The following SAMD4B variants were observed in gnomAD, a reference collection of about 807,000 sequenced individuals.
SAMD4B encodes protein Smaug homolog 2.
In SAMD4B, 5 loss-of-function variants were observed where a neutral mutation model predicts 74.5. That is an observed-to-expected ratio of 0.07 (90% CI 0.04 to 0.14). SAMD4B has a LOEUF of 0.14. SAMD4B is among the 10% of genes least tolerant of loss of function. The probability of loss-of-function intolerance (pLI) is 1.00; values close to 1 mark genes in which losing one functional copy is unlikely to be tolerated. For missense variants in SAMD4B, 608 were observed against 921.8 expected (o/e 0.66, Z 4.41); for synonymous variants, 373 against 374.9 (o/e 1.00, Z 0.06).
chr19:39,370,854 C>G (rs1461271277), intron 4 of SAMD4B, among the ~76,000 whole-genome samples: 1 of 152,218 alleles, frequency 6.6e-6, no homozygotes, highest in Non-Finnish European at 1.5e-5. Context: ...ATCATTAGCC[C>G]TATTCAACAG....
In SAMD4B at chr19:39,380,759, C is replaced by T. The variant is rs1249561029; in HGVS notation, c.1822C>T (p.Pro608Ser). The T allele has an allele frequency of 5.1e-6, 8 of 1,573,206 alleles. No individual in the cohort carries two copies. Among genetic ancestry groups the T allele is most frequent in the Non-Finnish European group, 6.9e-6 (8 of 1,158,872 alleles). The change falls in exon 11 of 14, where the codon CCC becomes TCC. Residue 608 changes from proline (P) to serine (S), a missense_variant. Around this residue, in one of 9 missense-constraint regions of SAMD4B, gnomAD observed 167 missense variants for 193.0 expected, o/e 0.87. Coordinates refer to ENST00000610417, the MANE Select transcript of SAMD4B (RefSeq NM_001384574.2). Reference protein sequence around the residue: ...GVSPRHALTSPSLGGQGRQNL... With the variant: ...GVSPRHALTSSSLGGQGRQNL... ...CTCCCCTCGACATGCCCTCACCAGC[C>T]CCAGCCTTGGAGGCCAGGGCCGACA...
chr19:39,364,651 G>A (rs1162734673), intron 3 of SAMD4B, among the ~76,000 whole-genome samples: 3 of 152,150 alleles, frequency 2.0e-5, no homozygotes, highest in African/African-American at 7.2e-5. Context: ...ACAGGACTAA[G>A]TTATCAAACA....
intron 3 of SAMD4B, among the ~76,000 whole-genome samples, chr19:39,361,043 C>T (rs2076616329): frequency 6.6e-6 from 1 of 152,140 alleles, no homozygotes; most frequent in African/African-American, 2.4e-5. Flanking sequence ...CTGACCCTCT[C>T]GGGCCTCAGG....
intron 3 of SAMD4B, among the ~76,000 whole-genome samples, chr19:39,366,759 G>A (rs1260954135): frequency 6.6e-6 from 1 of 152,104 alleles, no homozygotes; most frequent in East Asian, 1.9e-4. Context: ...GAAGTCCATG[G>A]AACTTTTTTT....
intron 7 of SAMD4B, 108 bp downstream of exon 7, chr19:39,376,899 T>G: frequency 5.7e-6 from 5 of 870,764 alleles, no homozygotes; most frequent in Non-Finnish European, 9.1e-6. Context: ...GCCTCCAAAA[T>G]TCCCAGCCCT....
rs987169436 is a variant in SAMD4B at position 39,378,828 on chromosome 19, C to T, written c.1530+239C>T. Among the ~76,000 whole-genome samples the T allele has an allele frequency of 2.6e-5, 4 of 152,234 alleles. No homozygotes were observed. Among genetic ancestry groups the T allele is most frequent in the South Asian group, 2.1e-4 (1 of 4,838 alleles). ...AGGCTGAGGCAGAATGGCGTGAACC[C>T]GGCAGGTGGAGCTTGTGGTGAGCCA... On this transcript the variant is annotated intron_variant, in intron 9 of 13. Coordinates refer to ENST00000610417, the MANE Select transcript of SAMD4B (RefSeq NM_001384574.2). The surrounding 1 kb of genome is among the most constrained non-coding windows in gnomAD (Gnocchi z 4.4).
At chr19:39,350,140 TG>T (rs1182680410) in intron 1 of SAMD4B, 1 of 152,232 alleles carries the variant, frequency 6.6e-6, no homozygotes, top group Non-Finnish European at 1.5e-5. Context: ...TGACAATGTA[TG>T]ATGTATGAAG....
At position 39,384,100 on chromosome 19, in the gene SAMD4B, C is replaced by T. The variant is rs2078164178; in HGVS notation, c.*573C>T. The T allele has an allele frequency of 3.5e-6, 1 of 288,064 alleles. No individual in the cohort carries two copies. The highest frequency in any genetic ancestry group is 4.6e-5 in the Admixed American group (1 of 21,620). 17.8% of individuals were successfully genotyped at this position (288,064 alleles called of 1,614,324 possible). On this transcript the variant is annotated 3_prime_UTR_variant, in exon 14 of 14. Coordinates refer to ENST00000610417, the MANE Select transcript of SAMD4B (RefSeq NM_001384574.2). ...GGACAGGAGCCACCTTCCTCTCTCT[C>T]ACCTCCCCTGGCCCTGTTCACCAGA...
intron 10 of SAMD4B, 99 bp downstream of exon 10, chr19:39,380,183 T>A: frequency 1.1e-6 from 1 of 913,742 alleles, no homozygotes; most frequent in Non-Finnish European, 1.7e-6. Flanking sequence ...GCTGAGAATC[T>A]AGTTTTATTC....
intron 1 of SAMD4B, 94 bp from the exon 2 acceptor site, chr19:39,353,912 T>C (rs2076198166): frequency 1.3e-5 from 2 of 152,218 alleles, no homozygotes; most frequent in Non-Finnish European, 2.9e-5. Flanking sequence ...AGATTAGGCA[T>C]GTTTTTAATA....
intron 7 of SAMD4B, 117 bp from the exon 8 acceptor site, chr19:39,377,368 C>A: frequency 1.3e-6 from 1 of 797,640 alleles, no homozygotes; most frequent in Non-Finnish European, 2.0e-6. Flanking sequence ...TCTCTATGTG[C>A]TGGAACCCAG....
intron 1 of SAMD4B, among the ~76,000 whole-genome samples, chr19:39,344,504 GAGACTTCCTC>G (rs1427027470): frequency 6.6e-6 from 1 of 152,090 alleles, no homozygotes; most frequent in African/African-American, 2.4e-5. Context: ...AGCGCTTCCT[GAGACTTCCTC>G]AGAACTTTCC....
At chr19:39,390,119 AG>A, downstream of SAMD4B, 2 of 1,614,062 alleles carry the variant, frequency 1.2e-6, no homozygotes, top group Non-Finnish European at 8.5e-7. Flanking sequence ...AGGGGATATC[AG>A]GGAGGCTATT....
In SAMD4B at chr19:39,376,317, A is replaced by AC. The variant is rs2077594611; in HGVS notation, c.908-115dup. ...GCTGATGGAACCTTAGCTCCCCCCA[A>AC]CCCCCTCCCAATTTTTTGCATCTTT... On this transcript the variant is annotated intron_variant, in intron 5 of 13. Coordinates refer to ENST00000610417, the MANE Select transcript of SAMD4B (RefSeq NM_001384574.2). The AC allele has an allele frequency of 8.0e-5, 60 of 746,462 alleles. No individual in the cohort carries two copies. The South Asian group carries it at 9.9e-4, about 12-fold the overall frequency. 46.2% of individuals were successfully genotyped at this position (746,462 alleles called of 1,614,324 possible).
Position 39,384,616 on chromosome 19 carries a change from CCA to C in SAMD4B, c.*1090_*1091del, listed in dbSNP as rs1207080927. On this transcript the variant is annotated 3_prime_UTR_variant, in exon 14 of 14. Coordinates refer to ENST00000610417, the MANE Select transcript of SAMD4B (RefSeq NM_001384574.2). Reference sequence around the variant, plus strand: ...CATAACCCAGAGATTCGTCCCAGCCCCAGAGTCCGACAGACTGTCTGGTCCCT... The same window carrying C: ...CATAACCCAGAGATTCGTCCCAGCCCGAGTCCGACAGACTGTCTGGTCCCT... 1 of 152,600 alleles carries C rather than the reference CCA, an allele frequency of 6.6e-6. No homozygotes were observed. The highest frequency in any genetic ancestry group is 2.4e-5 in the African/African-American group (1 of 41,414). The allele number at this position is 152,600 out of a possible 1,614,324, so 9.5% of individuals were successfully genotyped here.
chr19:39,363,575 T>C (rs2076778959), intron 3 of SAMD4B, among the ~76,000 whole-genome samples: 1 of 152,214 alleles, frequency 6.6e-6, no homozygotes, highest in South Asian at 2.1e-4. Context: ...ACTTACCACA[T>C]GCCAGACGCT....
intron 1 of SAMD4B, among the ~76,000 whole-genome samples, chr19:39,343,332 A>G (rs1315887946): frequency 7.5e-6 from 1 of 132,902 alleles, no homozygotes; most frequent in African/African-American, 2.9e-5. Context: ...CCCCTCCCAG[A>G]AGTCCTTCAG....
At position 39,370,014 on chromosome 19, in the gene SAMD4B, G is replaced by C; in HGVS notation, c.556G>C (p.Ala186Pro). The C allele has an allele frequency of 6.2e-7, 1 of 1,612,784 alleles. No homozygotes were observed. Among genetic ancestry groups the C allele is most frequent in the African/African-American group, 1.3e-5 (1 of 74,990 alleles). ...GGPAELGPGE[A>P]GPGWQDKPPR... is the part of the protein sequence containing the mutation. ...CCCTGCAGAGCTAGGCCCTGGGGAG[G>C]CAGGGCCAGGCTGGCAGGACAAGCC... is the stretch of plus-strand genomic sequence containing the variant. Residue 186 changes from alanine to proline, a missense_variant, in exon 4 of 14, where the codon GCA (alanine) becomes CCA (proline). By Grantham distance (27) the Ala-to-Pro change is conservative. Around this residue, in one of 9 missense-constraint regions of SAMD4B, gnomAD observed 153 missense variants for 153.0 expected, o/e 1.00. Transcript: ENST00000610417.
At position 39,375,051 on chromosome 19, in the gene SAMD4B, G is replaced by C. The variant is rs1036935455; in HGVS notation, c.668-599G>C. Reference sequence around the variant, plus strand: ...TGAGGGAGCCAACCGCTGAGATCAAGAAGGTAGGAAGAAAGAGCAAGTCCA... The same window carrying C: ...TGAGGGAGCCAACCGCTGAGATCAACAAGGTAGGAAGAAAGAGCAAGTCCA... On this transcript the variant is annotated intron_variant, in intron 4 of 13. Transcript: ENST00000610417. The surrounding 1 kb of genome is among the most constrained non-coding windows in gnomAD (Gnocchi z 4.1). 1.3e-5 allele frequency among the ~76,000 whole-genome samples: 2 copies of C among 152,118 alleles called. No homozygotes were observed. Among genetic ancestry groups the C allele is most frequent in the Non-Finnish European group, 1.5e-5 (1 of 68,028 alleles).
Sources: allele counts gnomAD v4.1 joint callset (sites outside exome capture counted in the v4.1 genomes callset), GRCh38; gene constraint gnomAD v4.1.1; regional missense constraint gnomAD v4.1.1; non-coding constraint Gnocchi (gnomAD v3.1); transcripts MANE v1.5; gene names NCBI Gene and HGNC (gene_info 2026-07-23, HGNC 2026-07-21).